Variants in FAM149B1 observed in about 807,000 individuals in gnomAD.
FAM149B1 encodes family with sequence similarity 149 member B1.
FAM149B1 carries 56 observed loss-of-function variants against 75.3 expected under a neutral mutation model. The observed-to-expected ratio is 0.74, with a 90% CI of 0.60 to 0.93. The LOEUF is 0.93. Ranked by LOEUF, FAM149B1 falls within the 40% of genes least tolerant of loss-of-function variation. The pLI, the probability that FAM149B1 is intolerant of heterozygous loss-of-function variation, is 0.00. For missense variants in FAM149B1, 639 were observed against 708.4 expected (o/e 0.90, Z 1.11); for synonymous variants, 259 against 256.1 (o/e 1.01, Z -0.11).
intron 3 of FAM149B1, among the ~76,000 whole-genome samples, chr10:73,185,982 A>T (rs2042512441): frequency 6.6e-6 from 1 of 152,196 alleles, no homozygotes; most frequent in African/African-American, 2.4e-5. Context: ...TACCAAAGTT[A>T]GTCATCACAA....
chr10:73,197,498 G>A (rs567113595), intron 5 of FAM149B1, among the ~76,000 whole-genome samples: 4 of 152,284 alleles, frequency 2.6e-5, no homozygotes, highest in East Asian at 1.9e-4. Context: ...AGCCAGGCAC[G>A]GTGGCTCACG....
intron 3 of FAM149B1, 129 bp from the exon 4 acceptor site, chr10:73,192,427 G>A: frequency 2.3e-6 from 2 of 872,072 alleles, no homozygotes; most frequent in South Asian, 3.8e-5. Flanking sequence ...TTCTTTCGTG[G>A]AAACACAGCA....
chr10:73,211,847 G>A (rs532754418), intron 7 of FAM149B1, among the ~76,000 whole-genome samples: 1 of 152,218 alleles, frequency 6.6e-6, no homozygotes, highest in Non-Finnish European at 1.5e-5. Context: ...TCTTAGTGGT[G>A]AAATCTGGGT....
At chr10:73,229,216 T>C (rs544909776) in intron 8 of FAM149B1, among the ~76,000 whole-genome samples, 1 of 152,124 alleles carries the variant, frequency 6.6e-6, no homozygotes, top group South Asian at 2.1e-4. Context: ...TCTCAGTTCC[T>C]ACACAATAGT....
At chr10:73,192,927 A>G (rs921551592) in intron 4 of FAM149B1, among the ~76,000 whole-genome samples, 2 of 152,186 alleles carry the variant, frequency 1.3e-5, no homozygotes, top group Admixed American at 1.3e-4. Flanking sequence ...AACTATTTCT[A>G]CAACAGCAGC....
Position 73,168,142 on chromosome 10 carries a change from G to C in FAM149B1, c.-198G>C. On this transcript the variant is annotated 5_prime_UTR_variant, in exon 1 of 14. Transcript: ENST00000242505. Reference sequence around the variant, plus strand: ...TCACTTCCGCCCCCGCGGCAAAGCAGGGAGGTCGGAGGACTGGAGAGGTGG... The same window carrying C: ...TCACTTCCGCCCCCGCGGCAAAGCACGGAGGTCGGAGGACTGGAGAGGTGG... 1.7e-6 allele frequency: 1 copy of C among 585,454 alleles called. No individual in the cohort carries two copies. Among genetic ancestry groups the C allele is most frequent in the Non-Finnish European group, 3.0e-6 (1 of 336,262 alleles). The allele number at this position is 585,454 out of a possible 1,614,324, so 36.3% of individuals were successfully genotyped here. A position where few individuals can be genotyped will look rare whatever the true frequency, so the allele number is the denominator to read the frequency against.
At chr10:73,178,670 T>TA (rs1844077927) in intron 3 of FAM149B1, among the ~76,000 whole-genome samples, 2 of 152,228 alleles carry the variant, frequency 1.3e-5, no homozygotes, top group African/African-American at 4.8e-5. Context: ...ATTTGTGATA[T>TA]ATTGGTAATG....
At chr10:73,239,652 C>T (rs1184643369) in intron 13 of FAM149B1, among the ~76,000 whole-genome samples, 16 of 140,554 alleles carry the variant, frequency 1.1e-4, no homozygotes, top group Non-Finnish European at 2.2e-4. Flanking sequence ...GGTAAACTGC[C>T]TTTTTTTTTT....
At chr10:73,206,254 A>G (rs908930094) in intron 5 of FAM149B1, among the ~76,000 whole-genome samples, 1 of 152,194 alleles carries the variant, frequency 6.6e-6, no homozygotes, top group African/African-American at 2.4e-5. Flanking sequence ...GGTAGCAGAA[A>G]TTTCTAAGTA....
At chr10:73,204,564 T>C (rs905349959) in intron 5 of FAM149B1, among the ~76,000 whole-genome samples, 1 of 152,196 alleles carries the variant, frequency 6.6e-6, no homozygotes, top group East Asian at 1.9e-4. Context: ...ATTTCTCAGA[T>C]TGGATTGACT....
chr10:73,204,282 G>A (rs565387460), intron 5 of FAM149B1, among the ~76,000 whole-genome samples: 71 of 151,904 alleles, frequency 4.7e-4, no homozygotes, highest in Middle Eastern at 6.8e-3. Context: ...ATGCCATCAC[G>A]CCTGGCTAAT....
intron 1 of FAM149B1, among the ~76,000 whole-genome samples, chr10:73,170,394 C>T (rs980076949): frequency 3.3e-5 from 5 of 152,064 alleles, no homozygotes; most frequent in South Asian, 2.1e-4. Context: ...ATCTCAGCTA[C>T]TTGGGAGGCC....
intron 5 of FAM149B1, chr10:73,200,548 T>C: frequency 1.3e-6 from 1 of 741,424 alleles, no homozygotes; most frequent in East Asian, 4.1e-5. Context: ...TCAAAATGTT[T>C]GTTTTGGATG....
chr10:73,176,856 G>A (rs764265541), intron 2 of FAM149B1, among the ~76,000 whole-genome samples: 2 of 151,778 alleles, frequency 1.3e-5, no homozygotes, highest in East Asian at 2.0e-4. Context: ...GCAAAACCCC[G>A]TCTCTACTAA....
At position 73,230,975 on chromosome 10, in the gene FAM149B1, TAGA is replaced by T. The variant is rs138061489; in HGVS notation, c.1127+455_1127+457del. 1,437 of 154,118 alleles carry T rather than the reference TAGA, an allele frequency of 9.3e-3. 25 individuals carry two copies. Among genetic ancestry groups the T allele is most frequent in the African/African-American group, 0.032 (1,340 of 41,578 alleles). The allele number at this position is 154,118 out of a possible 1,614,324, so 9.5% of individuals were successfully genotyped here. A position where few individuals can be genotyped will look rare whatever the true frequency, so the allele number is the denominator to read the frequency against. On this transcript the variant is annotated intron_variant, in intron 9 of 13. Coordinates refer to ENST00000242505, the MANE Select transcript of FAM149B1 (RefSeq NM_173348.2). ...GAAAGATAGCAGATCACTTTTGACATAGAAGAACGGAAAATAGGTCAGAACTTT... is the reference window on the plus strand; with the variant it reads ...GAAAGATAGCAGATCACTTTTGACATAGAACGGAAAATAGGTCAGAACTTT...
chr10:73,198,559 CTT>C (rs1272783003), intron 5 of FAM149B1, among the ~76,000 whole-genome samples: 1 of 152,144 alleles, frequency 6.6e-6, no homozygotes, highest in South Asian at 2.1e-4. Context: ...AATCCCAACA[CTT>C]TGAGAGGCCG....
At chr10:73,180,761 C>T (rs2133310659) in intron 3 of FAM149B1, among the ~76,000 whole-genome samples, 1 of 152,184 alleles carries the variant, frequency 6.6e-6, no homozygotes, top group South Asian at 2.1e-4. Flanking sequence ...ACAAACAATC[C>T]AATTACACTC....
chr10:73,209,664 A>G (rs1421882318), intron 6 of FAM149B1, among the ~76,000 whole-genome samples: 1 of 152,224 alleles, frequency 6.6e-6, no homozygotes, highest in Non-Finnish European at 1.5e-5. Flanking sequence ...GCTAAAACCA[A>G]AACCTTATTC....
chr10:73,222,058 G>A (rs1055225648), intron 7 of FAM149B1, among the ~76,000 whole-genome samples: 15 of 152,060 alleles, frequency 9.9e-5, no homozygotes, highest in Non-Finnish European at 1.6e-4. Flanking sequence ...ATTCTAGGTT[G>A]GTTTCAGTTG....
Sources: gnomAD v4.1 joint callset for allele counts (sites outside exome capture counted in the v4.1 genomes callset) on GRCh38, gnomAD v4.1.1 for gene constraint, MANE v1.5 for transcripts, NCBI Gene and HGNC (gene_info 2026-07-23, HGNC 2026-07-21) for gene names.